ATP6V0A2: variants seen among roughly 807,000 people sequenced by gnomAD.
The protein encoded by ATP6V0A2 is ATPase H+ transporting V0 subunit a2, also known as V-type proton ATPase 116 kDa subunit a 2.
Under a neutral mutation model 104.4 loss-of-function variants are expected in ATP6V0A2, and 58 were observed. That is an observed-to-expected ratio of 0.56 (90% CI 0.45 to 0.69). ATP6V0A2 has a LOEUF of 0.69. Among genes scored for constraint, ATP6V0A2 ranks in the 30% least tolerant of loss-of-function variants. ATP6V0A2 has a pLI of 0.00. For synonymous variants in ATP6V0A2, 376 were observed against 397.9 expected, an observed-to-expected ratio of 0.95 and a Z score of 0.65; for missense variants, 938 against 1,062.9, an observed-to-expected ratio of 0.88 and a Z score of 1.63.
At position 123,744,008 on chromosome 12, in the gene ATP6V0A2, A is replaced by G. The variant is rs1956635476; in HGVS notation, c.1189+73A>G. The G allele has an allele frequency of 6.3e-7, 1 of 1,594,298 alleles. No individual in the cohort carries two copies. The highest frequency in any genetic ancestry group is 1.3e-5 in the African/African-American group (1 of 74,580). Reference sequence around the variant, plus strand: ...CATTCTTGCTCTAAGAATGGAATAGATATTTGGAAAGAGAGGCTGACCATT... The same window carrying G: ...CATTCTTGCTCTAAGAATGGAATAGGTATTTGGAAAGAGAGGCTGACCATT... On this transcript the variant is annotated intron_variant, in intron 10 of 19. Coordinates refer to ENST00000330342, the MANE Select transcript of ATP6V0A2 (RefSeq NM_012463.4). This position sits in a 1 kb window ranked among gnomAD's most constrained non-coding sequence, Gnocchi z 5.4.
rs556352070 is a variant in ATP6V0A2 at position 123,712,787 on chromosome 12, C to T, written c.117+105C>T. 4.9e-3 allele frequency: 4,799 copies of T among 981,594 alleles called. 26 individuals are homozygous for T. The highest frequency in any genetic ancestry group is 6.0e-3 in the Non-Finnish European group (3,853 of 639,096). The allele number at this position is 981,594 out of a possible 1,614,324, so 60.8% of individuals were successfully genotyped here. A position where few individuals can be genotyped will look rare whatever the true frequency, so the allele number is the denominator to read the frequency against. On this transcript the variant is annotated intron_variant, in intron 1 of 19. Coordinates refer to ENST00000330342, the MANE Select transcript of ATP6V0A2 (RefSeq NM_012463.4). Reference sequence around the variant, plus strand: ...GGGGAGCACCGAGGAAGGGCGCGCCCCGTCCCCATTGTCCAGACGGGGAAG... The same window carrying T: ...GGGGAGCACCGAGGAAGGGCGCGCCTCGTCCCCATTGTCCAGACGGGGAAG...
chr12:123,759,143 G>A lies in ATP6V0A2; in HGVS notation c.*1111G>A, dbSNP rs577868745. On this transcript the variant is annotated 3_prime_UTR_variant, in exon 20 of 20. Transcript: ENST00000330342. ...TGAACCAGAAGGGTTTATACTGAGT[G>A]AAGGAAAGGTAAAAAGTAGTATTTT... 13 of 152,728 alleles carry A rather than the reference G, an allele frequency of 8.5e-5. No individual in the cohort carries two copies. Among genetic ancestry groups the A allele is most frequent in the Non-Finnish European group, 1.3e-4 (9 of 68,032 alleles). The allele number at this position is 152,728 out of a possible 1,614,324, so 9.5% of individuals were successfully genotyped here.
chr12:123,745,085 A>G lies in ATP6V0A2; in HGVS notation c.1605+113A>G, dbSNP rs1956648364. 3.7e-6 allele frequency: 4 copies of G among 1,076,882 alleles called. No homozygotes were observed. The Admixed American group carries it at 5.7e-5, about 15-fold the overall frequency. 66.7% of individuals were successfully genotyped at this position (1,076,882 alleles called of 1,614,324 possible). On this transcript the variant is annotated intron_variant, in intron 13 of 19. Coordinates refer to ENST00000330342, the MANE Select transcript of ATP6V0A2 (RefSeq NM_012463.4). ...CAGGGTTCACGCTGCCCTGAGCGGG[A>G]GGTGCTCATTAGCCCCTGTGCATCC...
intron 1 of ATP6V0A2, among the ~76,000 whole-genome samples, chr12:123,717,504 G>A (rs1750011894): frequency 6.6e-6 from 1 of 150,420 alleles, no homozygotes; most frequent in Non-Finnish European, 1.5e-5. Context: ...GAGTGCAGTG[G>A]TGTGATCACT....
chr12:123,742,572 C>G (rs1379931036), intron 9 of ATP6V0A2, among the ~76,000 whole-genome samples: 2 of 152,162 alleles, frequency 1.3e-5, no homozygotes, highest in Admixed American at 6.5e-5. Context: ...TGCAGTGGCT[C>G]ACTCCTATAA....
chr12:123,746,477 G>A (rs1180066258), intron 13 of ATP6V0A2, among the ~76,000 whole-genome samples: 1 of 151,522 alleles, frequency 6.6e-6, no homozygotes, highest in Non-Finnish European at 1.5e-5. Flanking sequence ...GAACTGGGAG[G>A]CTAGAAATTT....
chr12:123,739,156 G>A lies in ATP6V0A2; in HGVS notation c.1038+1885G>A, dbSNP rs141376003. 1.4e-4 allele frequency: 22 copies of A among 152,300 alleles called. No individual in the cohort carries two copies. The East Asian group carries it at 4.1e-3, about 28-fold the overall frequency. The allele number at this position is 152,300 out of a possible 1,614,324, so 9.4% of individuals were successfully genotyped here. ...CATCTCCTGCGTGCACATGCACTGG[G>A]GTCTCTTGAGAGCTGCGTATTAAGG... On this transcript the variant is annotated intron_variant, in intron 9 of 19. Coordinates refer to ENST00000330342, the MANE Select transcript of ATP6V0A2 (RefSeq NM_012463.4).
chr12:123,742,447 G>A (rs114188577), intron 9 of ATP6V0A2, among the ~76,000 whole-genome samples: 2,232 of 152,242 alleles, frequency 0.015, 44 homozygotes, highest in African/African-American at 0.051. Flanking sequence ...CTTGCTAGCT[G>A]GTTGCACTTT....
At position 123,743,839 on chromosome 12, in the gene ATP6V0A2, A is replaced by T; in HGVS notation, c.1093A>T (p.Thr365Ser). 1 of 1,614,056 alleles carries T rather than the reference A, an allele frequency of 6.2e-7. No individual in the cohort carries two copies. The highest frequency in any genetic ancestry group is 8.5e-7 in the Non-Finnish European group (1 of 1,179,992). Reference sequence around the variant, plus strand: ...CATGAATATAATCCCCACAAAAGAAACACCCCCCACTCGGATCCGCACCAA... The same window carrying T: ...CATGAATATAATCCCCACAAAAGAATCACCCCCCACTCGGATCCGCACCAA... ...SFMNIIPTKETPPTRIRTNKF... is the reference protein window; with the variant it reads ...SFMNIIPTKESPPTRIRTNKF... Residue 365 changes from threonine to serine, a missense_variant, in exon 10 of 20, where the codon ACA (threonine) becomes TCA (serine). Transcript: ENST00000330342.
Position 123,756,686 on chromosome 12 carries a change from A to T in ATP6V0A2, c.2294-129A>T. The T allele has an allele frequency of 2.1e-6, 2 of 938,546 alleles. 1 individual carries two copies. The highest frequency in any genetic ancestry group is 4.0e-5 in the Admixed American group (2 of 49,626). The allele number at this position is 938,546 out of a possible 1,614,324, so 58.1% of individuals were successfully genotyped here. A position where few individuals can be genotyped will look rare whatever the true frequency, so the allele number is the denominator to read the frequency against. ...CATGAGAAACAGTTGGGTCTGTGTT[A>T]CATGTGTGTCTATTATTTTATGGGA... is the stretch of plus-strand genomic sequence containing the variant. On this transcript the variant is annotated intron_variant, in intron 18 of 19. Coordinates refer to ENST00000330342, the MANE Select transcript of ATP6V0A2 (RefSeq NM_012463.4).
intron 3 of ATP6V0A2, 146 bp from the exon 4 acceptor site, chr12:123,724,508 G>A (rs1371893826): frequency 8.2e-5 from 59 of 722,172 alleles, no homozygotes; most frequent in Non-Finnish European, 1.2e-4. Flanking sequence ...CAGCCTGGGC[G>A]ACAGAGGGAG....
intron 6 of ATP6V0A2, among the ~76,000 whole-genome samples, chr12:123,728,276 G>A (rs1344243518): frequency 2.0e-5 from 3 of 151,992 alleles, no homozygotes; most frequent in Non-Finnish European, 2.9e-5. Context: ...TTAAGGAGAT[G>A]GGGTCTTGCT....
At chr12:123,722,514 A>G (rs1409297817) in intron 3 of ATP6V0A2, 66 bp downstream of exon 3, 1 of 903,608 alleles carries the variant, frequency 1.1e-6, no homozygotes, top group Non-Finnish European at 1.9e-6. Context: ...TACTTATTTC[A>G]TGTTGTCTAA....
intron 9 of ATP6V0A2, among the ~76,000 whole-genome samples, chr12:123,743,108 C>G (rs1956624798): frequency 6.6e-6 from 1 of 152,134 alleles, no homozygotes; most frequent in Non-Finnish European, 1.5e-5. Context: ...ATAAAGTACT[C>G]AGTGTCGGTT....
chr12:123,727,152 G>A (rs899888543), intron 5 of ATP6V0A2, among the ~76,000 whole-genome samples: 1 of 152,152 alleles, frequency 6.6e-6, no homozygotes, highest in African/African-American at 2.4e-5. Flanking sequence ...AGTTGTATCT[G>A]CTCACCTTAT....
chr12:123,746,540 G>A (rs1353678278), intron 13 of ATP6V0A2, among the ~76,000 whole-genome samples: 1 of 150,884 alleles, frequency 6.6e-6, no homozygotes, highest in Non-Finnish European at 1.5e-5. Flanking sequence ...TTCTCGGAAG[G>A]CTGAGGTGGG....
chr12:123,722,224 C>A, intron 2 of ATP6V0A2, 127 bp from the exon 3 acceptor site: 1 of 754,574 alleles, frequency 1.3e-6, no homozygotes, highest in Non-Finnish European at 2.3e-6. Flanking sequence ...TTGGGACAAG[C>A]AAGATTTTTG....
chr12:123,744,956 C>G lies in ATP6V0A2; in HGVS notation c.1589C>G (p.Pro530Arg). The change falls in exon 13 of 20, where the codon CCC becomes CGC. Residue 530 changes from proline to arginine, a missense_variant. Transcript: ENST00000330342. This position sits in a 1 kb window ranked among gnomAD's most constrained non-coding sequence, Gnocchi z 5.4. ...SIPGVFRGPY[P>R]LGIDPIWNLA... ...CCTGGAGTGTTCCGAGGCCCTTATCCCCTTGGCATTGATCCTGTGAGTGCA... is the reference window on the plus strand; with the variant it reads ...CCTGGAGTGTTCCGAGGCCCTTATCGCCTTGGCATTGATCCTGTGAGTGCA... The G allele has an allele frequency of 6.2e-7, 1 of 1,614,180 alleles. No individual in the cohort carries two copies.
intron 18 of ATP6V0A2, 71 bp from the exon 19 acceptor site, chr12:123,756,743 GT>G: frequency 6.5e-7 from 1 of 1,550,066 alleles, no homozygotes; most frequent in Non-Finnish European, 8.9e-7. Context: ...GGGAAACTCA[GT>G]CCAGGTAGCT....
Sources: gnomAD v4.1 joint callset for allele counts (sites outside exome capture counted in the v4.1 genomes callset) on GRCh38, gnomAD v4.1.1 for gene constraint, Gnocchi (gnomAD v3.1) non-coding constraint, MANE v1.5 for transcripts, NCBI Gene and HGNC (gene_info 2026-07-23, HGNC 2026-07-21) for gene names.